WWC1: variants seen among roughly 807,000 people sequenced by gnomAD.
WWC1 encodes protein KIBRA.
Under a neutral mutation model 138.4 loss-of-function variants are expected in WWC1, and 55 were observed. The ratio of observed to expected loss-of-function variants is 0.40; its 90% CI spans 0.32 to 0.50. The LOEUF (loss-of-function observed/expected upper bound fraction) is 0.50, where lower values mean the gene tolerates loss of function less well. Among genes scored for constraint, WWC1 ranks in the 20% least tolerant of loss-of-function variants. The pLI is 0.72. For missense variants in WWC1, 1,226 were observed against 1,420.4 expected (o/e 0.86, Z 2.20); for synonymous variants, 524 against 564.9 (o/e 0.93, Z 1.03).
chr5:168,384,713 C>CTTTTT (rs762052940), intron 2 of WWC1, among the ~76,000 whole-genome samples: 30 of 99,630 alleles, frequency 3.0e-4, no homozygotes, highest in African/African-American at 8.5e-4. Context: ...CTGGTTTATT[C>CTTTTT]TTTTTTTTTT....
At chr5:168,371,122 G>A (rs891818938) in intron 1 of WWC1, among the ~76,000 whole-genome samples, 4 of 152,218 alleles carry the variant, frequency 2.6e-5, no homozygotes, top group Non-Finnish European at 4.4e-5. Flanking sequence ...CTCAATCAGA[G>A]TTGCAGAAAC....
At chr5:168,343,322 T>C (rs1219546745) in intron 1 of WWC1, among the ~76,000 whole-genome samples, 14 of 152,208 alleles carry the variant, frequency 9.2e-5, no homozygotes, top group Non-Finnish European at 4.4e-5. Context: ...CTGTGCTAAC[T>C]GTGTATTATC....
Position 168,406,250 on chromosome 5 carries a change from C to G in WWC1, c.643C>G (p.Gln215Glu). 6.2e-7 allele frequency: 1 copy of G among 1,614,096 alleles called. No individual in the cohort carries two copies. Among genetic ancestry groups the G allele is most frequent in the Non-Finnish European group, 8.5e-7 (1 of 1,179,984 alleles). ...AQGSYKLDEA[Q>E]AVLRETKAIK... ...GGGCAGCTACAAACTGGATGAAGCT[C>G]AGGCTGTCTTGAGAGAAACAAAAGC... The change falls in exon 6 of 23, where the codon CAG becomes GAG. Residue 215 changes from glutamine to glutamate, a missense_variant. Around this residue, in one of 3 missense-constraint regions of WWC1, gnomAD observed 1,016 missense variants for 1,153.9 expected, o/e 0.88. Transcript: ENST00000265293.
intron 1 of WWC1, among the ~76,000 whole-genome samples, chr5:168,298,148 C>T (rs1294087826): frequency 1.3e-5 from 2 of 152,124 alleles, no homozygotes; most frequent in South Asian, 2.1e-4. Context: ...AAGCAATTCT[C>T]GTGCCTCAGC....
At chr5:168,394,997 A>G (rs780571280) in intron 3 of WWC1, among the ~76,000 whole-genome samples, 1 of 152,234 alleles carries the variant, frequency 6.6e-6, no homozygotes, top group Non-Finnish European at 1.5e-5. Context: ...GTGATACTCC[A>G]GGGTATAAGA....
intron 5 of WWC1, among the ~76,000 whole-genome samples, chr5:168,404,609 G>GTC (rs1779642702): frequency 6.6e-6 from 1 of 152,206 alleles, no homozygotes; most frequent in Non-Finnish European, 1.5e-5. Context: ...GTTATTTTTA[G>GTC]CCCAGGACAG....
chr5:168,410,899 T>C (rs1582200736), intron 8 of WWC1, among the ~76,000 whole-genome samples: 1 of 151,094 alleles, frequency 6.6e-6, no homozygotes, highest in African/African-American at 2.4e-5. Context: ...ATTTGAATCC[T>C]GGACAATCTG....
rs576089390 is a variant in WWC1 at position 168,410,170 on chromosome 5, A to G, written c.941+175A>G. 2.9e-4 allele frequency: 196 copies of G among 686,624 alleles called. 2 individuals carry two copies. The highest frequency in any genetic ancestry group is 2.3e-3 in the South Asian group (122 of 52,926). The allele number at this position is 686,624 out of a possible 1,614,324, so 42.5% of individuals were successfully genotyped here. A position where few individuals can be genotyped will look rare whatever the true frequency, so the allele number is the denominator to read the frequency against. On this transcript the variant is annotated intron_variant, in intron 8 of 22. Coordinates refer to ENST00000265293, the MANE Select transcript of WWC1 (RefSeq NM_015238.3). Reference sequence around the variant, plus strand: ...ATCCTCTCTGAAATTCAGAGAGGAAATGACTCACCCAGGACACTTCACAAG... The same window carrying G: ...ATCCTCTCTGAAATTCAGAGAGGAAGTGACTCACCCAGGACACTTCACAAG...
At chr5:168,455,701 C>T (rs1334900543) in intron 19 of WWC1, among the ~76,000 whole-genome samples, 181 bp downstream of exon 19, 1 of 152,182 alleles carries the variant, frequency 6.6e-6, no homozygotes, top group East Asian at 1.9e-4. Flanking sequence ...TTTAGACAAG[C>T]AATAGAAAAG....
At chr5:168,454,132 C>T (rs892072894) in intron 18 of WWC1, 32 bp downstream of exon 18, 116 of 1,602,360 alleles carry the variant, frequency 7.2e-5, no homozygotes, top group Middle Eastern at 4.1e-4. Context: ...GAAGGGCTGT[C>T]GTGGGGAAGG....
chr5:168,463,505 G>A (rs1271262405), intron 20 of WWC1, among the ~76,000 whole-genome samples: 1 of 152,120 alleles, frequency 6.6e-6, no homozygotes, highest in African/African-American at 2.4e-5. Context: ...CATCTTTTAG[G>A]GGCTTACCTG....
intron 16 of WWC1, among the ~76,000 whole-genome samples, chr5:168,442,854 A>G (rs1398019534): frequency 6.6e-6 from 1 of 151,576 alleles, no homozygotes; most frequent in African/African-American, 2.4e-5. Flanking sequence ...AAAAAAAAAG[A>G]AAAGAAAAAA....
chr5:168,410,115 G>A, intron 8 of WWC1, 120 bp downstream of exon 8: 1 of 1,000,066 alleles, frequency 1.0e-6, no homozygotes, highest in Non-Finnish European at 1.5e-6. Context: ...CAAAGATTAT[G>A]AAGATAGTTA....
At chr5:168,347,020 A>G (rs1227350014) in intron 1 of WWC1, among the ~76,000 whole-genome samples, 1 of 152,066 alleles carries the variant, frequency 6.6e-6, no homozygotes, top group Non-Finnish European at 1.5e-5. Context: ...TTCTGCAGGC[A>G]TTGTTTCCCT....
At chr5:168,442,628 G>T (rs1409509489) in intron 16 of WWC1, among the ~76,000 whole-genome samples, 1 of 151,894 alleles carries the variant, frequency 6.6e-6, no homozygotes, top group Non-Finnish European at 1.5e-5. Context: ...CTTGAGGTCA[G>T]GAGTTTGAGA....
Position 168,441,834 on chromosome 5 carries a change from G to A in WWC1, c.2433G>A (p.Thr811=), listed in dbSNP as rs746550461. The change falls in exon 16 of 23, where the codon ACG becomes ACA. Residue 811 remains threonine, a splice_region_variant and synonymous_variant. Coordinates refer to ENST00000265293, the MANE Select transcript of WWC1 (RefSeq NM_015238.3). Reference sequence around the variant, plus strand: ...CCCCTGCCTCAGGGCCTGCCAGCACGGTGAGCTGGGACCAGGTGTGCCACC... The same window carrying A: ...CCCCTGCCTCAGGGCCTGCCAGCACAGTGAGCTGGGACCAGGTGTGCCACC... ...VMAPASGPAS[T]DAVSALLEQT... 7 of 1,613,080 alleles carry A rather than the reference G, an allele frequency of 4.3e-6. No individual in the cohort carries two copies. Among genetic ancestry groups the A allele is most frequent in the South Asian group, 1.1e-5 (1 of 90,870 alleles).
chr5:168,467,206 C>T (rs1757371445), intron 21 of WWC1, among the ~76,000 whole-genome samples: 1 of 152,148 alleles, frequency 6.6e-6, no homozygotes, highest in African/African-American at 2.4e-5. Flanking sequence ...TGCAGTGAGC[C>T]GAGATTGCGC....
intron 5 of WWC1, among the ~76,000 whole-genome samples, chr5:168,403,021 T>A (rs1779445555): frequency 1.8e-5 from 2 of 111,864 alleles, no homozygotes; most frequent in Admixed American, 1.8e-4. Context: ...TTTCTTTCTT[T>A]CTTTCTTTCT....
intron 1 of WWC1, among the ~76,000 whole-genome samples, chr5:168,362,363 A>G (rs751793657): frequency 6.6e-6 from 1 of 152,154 alleles, no homozygotes; most frequent in Non-Finnish European, 1.5e-5. Flanking sequence ...AGCCACATAG[A>G]GTTTACATAT....
Sources: gnomAD v4.1 joint callset for allele counts (sites outside exome capture counted in the v4.1 genomes callset) on GRCh38, gnomAD v4.1.1 for gene constraint, gnomAD v4.1.1 regional missense constraint, MANE v1.5 for transcripts, NCBI Gene and HGNC (gene_info 2026-07-23, HGNC 2026-07-21) for gene names.